Variants in ADGRD1 observed in about 807,000 individuals in gnomAD.
ADGRD1 encodes adhesion G protein-coupled receptor D1.
Under a neutral mutation model 113.4 loss-of-function variants are expected in ADGRD1, and 77 were observed. The ratio of observed to expected loss-of-function variants is 0.68; its 90% CI spans 0.57 to 0.82. The LOEUF is 0.82. ADGRD1 is among the 40% of genes least tolerant of loss of function. The probability of loss-of-function intolerance (pLI) is 0.00; values close to 1 mark genes in which losing one functional copy is unlikely to be tolerated. For missense variants in ADGRD1, 1,036 were observed against 1,139.1 expected (o/e 0.91, Z 1.30); for synonymous variants, 474 against 475.0 (o/e 1.00, Z 0.03).
chr12:131,087,476 A>G (rs1036827160), intron 15 of ADGRD1, among the ~76,000 whole-genome samples: 1 of 152,212 alleles, frequency 6.6e-6, no homozygotes, highest in Non-Finnish European at 1.5e-5. Context: ...CCGGCCACGA[A>G]GCAAGTGGAA....
At chr12:130,964,142 T>C (rs375665585) in intron 2 of ADGRD1, among the ~76,000 whole-genome samples, 3 of 152,002 alleles carry the variant, frequency 2.0e-5, no homozygotes, top group East Asian at 1.9e-4. Context: ...GTTGTACTAA[T>C]ATAATACGTT....
At chr12:131,040,989 T>G (rs3847689) in intron 13 of ADGRD1, among the ~76,000 whole-genome samples, 54,757 of 152,144 alleles carry the variant, frequency 0.36, 11,202 homozygotes, top group South Asian at 0.53. Flanking sequence ...GGCAGGACAG[T>G]GGGGCTGAAT....
chr12:131,021,155 G>A (rs568904511), intron 13 of ADGRD1, among the ~76,000 whole-genome samples: 25 of 152,264 alleles, frequency 1.6e-4, no homozygotes, highest in Admixed American at 1.3e-4. Flanking sequence ...TCATTCATCC[G>A]TCTTCCCTGA....
chr12:131,064,283 G>C (rs1169830678), intron 13 of ADGRD1, among the ~76,000 whole-genome samples: 1 of 152,176 alleles, frequency 6.6e-6, no homozygotes, highest in Non-Finnish European at 1.5e-5. Flanking sequence ...CGACTAATAA[G>C]TTAGCTCTAG....
rs1281413724 is a variant in ADGRD1 at position 131,075,602 on chromosome 12, C to T, written c.1474-1199C>T. Among the ~76,000 whole-genome samples, 1 of 152,160 alleles carries T rather than the reference C, an allele frequency of 6.6e-6. No individual in the cohort carries two copies. Among genetic ancestry groups the T allele is most frequent in the East Asian group, 1.9e-4 (1 of 5,190 alleles). On this transcript the variant is annotated intron_variant, in intron 13 of 24. Coordinates refer to ENST00000261654, the MANE Select transcript of ADGRD1 (RefSeq NM_198827.5). The surrounding 1 kb of genome is among the most constrained non-coding windows in gnomAD (Gnocchi z 5.3). ...CAGCACTAGGATAATTGGGTTGAGG[C>T]TGGAGGAGCTGTCAGACAGATGCTG... is the stretch of plus-strand genomic sequence containing the variant.
intron 13 of ADGRD1, among the ~76,000 whole-genome samples, chr12:131,020,962 G>A (rs1879246087): frequency 6.6e-6 from 1 of 152,242 alleles, no homozygotes; most frequent in Admixed American, 6.5e-5. Context: ...CTTGTTGGCA[G>A]CTAATTCAAA....
intron 13 of ADGRD1, 80 bp downstream of exon 13, chr12:131,014,420 G>A: frequency 3.0e-6 from 4 of 1,315,738 alleles, no homozygotes; most frequent in Non-Finnish European, 4.2e-6. Context: ...CTGTGTGCTT[G>A]CATAAAGAAT....
intron 16 of ADGRD1, 112 bp downstream of exon 16, chr12:131,105,046 G>T: frequency 9.1e-6 from 7 of 770,920 alleles, no homozygotes; most frequent in Non-Finnish European, 1.4e-5. Flanking sequence ...AAGAGCACCA[G>T]GCTTAGCTGG....
intron 20 of ADGRD1, among the ~76,000 whole-genome samples, chr12:131,130,151 C>G (rs752340946): frequency 6.6e-6 from 1 of 152,256 alleles, no homozygotes; most frequent in African/African-American, 2.4e-5. Context: ...GGGGCATCAG[C>G]GTTTCTGGAC....
intron 13 of ADGRD1, among the ~76,000 whole-genome samples, chr12:131,029,884 AGGTTGTGG>A (rs1880457778): frequency 3.5e-5 from 4 of 115,866 alleles, no homozygotes; most frequent in Non-Finnish European, 5.3e-5. Flanking sequence ...CTCTGGGATT[AGGTTGTGG>A]ACCCCTCGTT....
At chr12:131,018,329 G>A (rs565536553) in intron 13 of ADGRD1, among the ~76,000 whole-genome samples, 32 of 152,314 alleles carry the variant, frequency 2.1e-4, no homozygotes, top group Admixed American at 3.9e-4. Flanking sequence ...CCTTCACGCC[G>A]GGATGAGGGG....
chr12:131,047,315 C>T (rs1363797135), intron 13 of ADGRD1, among the ~76,000 whole-genome samples: 1 of 152,176 alleles, frequency 6.6e-6, no homozygotes, highest in African/African-American at 2.4e-5. Context: ...TGATCCACGG[C>T]GAGGAGACAT....
chr12:131,068,654 T>A (rs1884915262), intron 13 of ADGRD1, among the ~76,000 whole-genome samples: 1 of 152,232 alleles, frequency 6.6e-6, no homozygotes, highest in Non-Finnish European at 1.5e-5. Context: ...AGCAATGCTT[T>A]CCCCTTGTTT....
At chr12:131,008,878 A>G (rs1877516926) in intron 12 of ADGRD1, among the ~76,000 whole-genome samples, 2 of 152,184 alleles carry the variant, frequency 1.3e-5, no homozygotes, top group Admixed American at 1.3e-4. Context: ...CTCGAGAAAG[A>G]TGAGTGGGGA....
At chr12:131,137,810 G>GACCCCCCCCCCCC in intron 23 of ADGRD1, 1 of 158,826 alleles carries the variant, frequency 6.3e-6, no homozygotes, top group South Asian at 1.8e-4. Flanking sequence ...AGCCATGGAA[G>GACCCCCCCCCCCC]CCCGCCCGCC....
At chr12:130,973,956 T>C (rs1872000803) in intron 4 of ADGRD1, among the ~76,000 whole-genome samples, 1 of 152,062 alleles carries the variant, frequency 6.6e-6, no homozygotes, top group African/African-American at 2.4e-5. Context: ...GGAAACAAAG[T>C]CAGGAAACCT....
rs556449434 is a variant in ADGRD1 at position 131,012,438 on chromosome 12, C to G, written c.1332-1761C>G. On this transcript the variant is annotated intron_variant, in intron 12 of 24. Transcript: ENST00000261654. Reference sequence around the variant, plus strand: ...CGATGACCCTGGTTTGCTCCAGACCCTGTGAACTGGTGATGATCTGCAGGA... The same window carrying G: ...CGATGACCCTGGTTTGCTCCAGACCGTGTGAACTGGTGATGATCTGCAGGA... Among the ~76,000 whole-genome samples, 36 of 152,322 alleles carry G rather than the reference C, an allele frequency of 2.4e-4. 1 individual carries two copies. In the South Asian group the frequency reaches 3.5e-3, roughly 15 times the overall value.
In ADGRD1 at chr12:131,108,763, T is replaced by C. The variant is rs1013351444; in HGVS notation, c.1927T>C (p.Phe643Leu). ...GATGGCCGTGCTCCTACACTACTTC[T>C]TCCTGAGTGCCTTCGCATGGATGCT... ...QVMAVLLHYFFLSAFAWMLVE... is the reference protein window; with the variant it reads ...QVMAVLLHYFLLSAFAWMLVE... Residue 643 changes from phenylalanine (F) to leucine (L), a missense_variant, in exon 18 of 25, where the codon TTC becomes CTC. Phe to Leu is a conservative substitution (Grantham distance 22). Coordinates refer to ENST00000261654, the MANE Select transcript of ADGRD1 (RefSeq NM_198827.5). 1.9e-5 allele frequency: 30 copies of C among 1,614,160 alleles called. No individual in the cohort carries two copies. The highest frequency in any genetic ancestry group is 2.5e-5 in the Non-Finnish European group (29 of 1,180,022).
intron 4 of ADGRD1, among the ~76,000 whole-genome samples, chr12:130,976,239 C>A (rs777107053): frequency 4.6e-5 from 7 of 151,946 alleles, no homozygotes; most frequent in Non-Finnish European, 8.8e-5. Context: ...CTTACTCAGG[C>A]GATCTGGGGT....
Sources: allele counts gnomAD v4.1 joint callset (sites outside exome capture counted in the v4.1 genomes callset), GRCh38; gene constraint gnomAD v4.1.1; non-coding constraint Gnocchi (gnomAD v3.1); transcripts MANE v1.5; gene names NCBI Gene and HGNC (gene_info 2026-07-23, HGNC 2026-07-21).